Variants in PRKCA observed in about 807,000 individuals in gnomAD.
PRKCA encodes the protein protein kinase C alpha.
In PRKCA, 27 loss-of-function variants were observed where a neutral mutation model predicts 87.0. That is an observed-to-expected ratio of 0.31 (90% confidence interval 0.23 to 0.43). The LOEUF is 0.43. PRKCA is among the 20% of genes least tolerant of loss of function. PRKCA has a pLI of 1.00. For missense variants in PRKCA, 518 were observed against 852.3 expected (o/e 0.61, Z 4.88); for synonymous variants, 329 against 311.1 (o/e 1.06, Z -0.61).
chr17:66,726,828 G>A (rs1181617094), intron 8 of PRKCA, among the ~76,000 whole-genome samples: 2 of 151,772 alleles, frequency 1.3e-5, no homozygotes, highest in East Asian at 1.9e-4. Context: ...GGGTTTAAGC[G>A]ATTCTCCCAC....
At position 66,803,424 on chromosome 17, in the gene PRKCA, G is replaced by T. The variant is rs1273495409; in HGVS notation, c.1855-449G>T. The stretch of plus-strand genomic sequence containing the variant: ...TTTTTACTTCACTACAAATATTGCG[G>T]CAAAAAAACAGATGTGGGGCAGTAA... On this transcript the variant is annotated intron_variant, in intron 16 of 16. Transcript: ENST00000413366. This position sits in a 1 kb window ranked among gnomAD's most constrained non-coding sequence, Gnocchi z 4.4. 1.3e-5 allele frequency among the ~76,000 whole-genome samples: 2 copies of T among 152,162 alleles called. No homozygotes were observed. The highest frequency in any genetic ancestry group is 4.8e-5 in the African/African-American group (2 of 41,440).
chr17:66,689,193 T>A lies in PRKCA; in HGVS notation c.918+146T>A. On this transcript the variant is annotated intron_variant, in intron 8 of 16. Transcript: ENST00000413366. This position sits in a 1 kb window ranked among gnomAD's most constrained non-coding sequence, Gnocchi z 4.1. ...CTTTTTCTTTATTTAAAAACATGAA[T>A]GTTGTTCGTTCCCTTTCCTTTGCAA... 1 of 571,942 alleles carries A rather than the reference T, an allele frequency of 1.7e-6. No individual in the cohort carries two copies. The highest frequency in any genetic ancestry group is 3.1e-6 in the Non-Finnish European group (1 of 325,324). The allele number at this position is 571,942 out of a possible 1,614,324, so 35.4% of individuals were successfully genotyped here. A position where few individuals can be genotyped will look rare whatever the true frequency, so the allele number is the denominator to read the frequency against.
chr17:66,303,077 G>C (rs933713125), intron 1 of PRKCA, 53 bp downstream of exon 1: 2 of 1,575,878 alleles, frequency 1.3e-6, no homozygotes, highest in Non-Finnish European at 1.7e-6. Context: ...TCCGGGTCCC[G>C]GCACCCGGCG....
chr17:66,691,210 G>T (rs1214697761), intron 8 of PRKCA, among the ~76,000 whole-genome samples: 1 of 152,050 alleles, frequency 6.6e-6, no homozygotes, highest in African/African-American at 2.4e-5. Context: ...GACACCAGTA[G>T]GATTCAACCA....
intron 2 of PRKCA, among the ~76,000 whole-genome samples, chr17:66,383,399 A>AT (rs11379801): frequency 0.21 from 31,027 of 147,082 alleles, 3,311 homozygotes; most frequent in Admixed American, 0.31. Context: ...GGAAAAGCCT[A>AT]TTTTTTTTTT....
chr17:66,738,149 A>G (rs1020568640), intron 10 of PRKCA, among the ~76,000 whole-genome samples: 1 of 152,228 alleles, frequency 6.6e-6, no homozygotes, highest in African/African-American at 2.4e-5. Flanking sequence ...TTAGCCTACC[A>G]GTGACAGAGA....
chr17:66,514,083 A>G (rs1172794240), intron 3 of PRKCA, among the ~76,000 whole-genome samples: 2 of 152,182 alleles, frequency 1.3e-5, no homozygotes, highest in African/African-American at 4.8e-5. Context: ...TATTAGTATA[A>G]TTGTTCTATT....
intron 3 of PRKCA, among the ~76,000 whole-genome samples, chr17:66,516,452 G>A (rs1373196706): frequency 6.6e-6 from 1 of 152,110 alleles, no homozygotes; most frequent in Non-Finnish European, 1.5e-5. Context: ...GGCCAGCATG[G>A]TGAGACCCCG....
intron 3 of PRKCA, among the ~76,000 whole-genome samples, chr17:66,603,015 C>T (rs1422184032): frequency 6.6e-6 from 1 of 152,148 alleles, no homozygotes; most frequent in Non-Finnish European, 1.5e-5. Flanking sequence ...TCCTTCTCAC[C>T]CTTCAAAGTG....
chr17:66,778,155 C>T (rs1465286794), intron 14 of PRKCA: 24 of 985,224 alleles, frequency 2.4e-5, no homozygotes, highest in Admixed American at 1.2e-4. Flanking sequence ...ATATTTCCCA[C>T]ACTGCTTCTC....
At chr17:66,425,188 C>G (rs1912730298) in intron 2 of PRKCA, among the ~76,000 whole-genome samples, 1 of 152,226 alleles carries the variant, frequency 6.6e-6, no homozygotes, top group South Asian at 2.1e-4. Context: ...CCAAAGTTTT[C>G]AGAATCACTG....
chr17:66,691,039 A>C (rs1972771574), intron 8 of PRKCA, among the ~76,000 whole-genome samples: 1 of 149,270 alleles, frequency 6.7e-6, no homozygotes, highest in South Asian at 2.1e-4. Context: ...AATCACTTGA[A>C]CCTGGGCACG....
At chr17:66,482,385 G>T (rs1424463960) in intron 2 of PRKCA, among the ~76,000 whole-genome samples, 6 of 152,164 alleles carry the variant, frequency 3.9e-5, no homozygotes, top group Non-Finnish European at 8.8e-5. Flanking sequence ...ACCCCTTCCA[G>T]TGCCCACCTA....
At chr17:66,727,388 C>T (rs1219434823) in intron 8 of PRKCA, among the ~76,000 whole-genome samples, 1 of 152,042 alleles carries the variant, frequency 6.6e-6, no homozygotes, top group East Asian at 1.9e-4. Flanking sequence ...TGTGGTGCCA[C>T]CTGTTTTTAC....
At chr17:66,413,406 T>C (rs1189876645) in intron 2 of PRKCA, among the ~76,000 whole-genome samples, 6 of 152,088 alleles carry the variant, frequency 3.9e-5, no homozygotes, top group Non-Finnish European at 7.4e-5. Flanking sequence ...CAGGAGCTTG[T>C]CTGTTATGTA....
intron 10 of PRKCA, among the ~76,000 whole-genome samples, chr17:66,736,314 C>G (rs1048552514): frequency 6.6e-6 from 1 of 151,242 alleles, no homozygotes; most frequent in Admixed American, 6.6e-5. Flanking sequence ...GTCACTCTCT[C>G]TTCCCCAGGC....
intron 14 of PRKCA, among the ~76,000 whole-genome samples, chr17:66,781,868 G>GAGAGATATATATATATATAT (rs1491546533): frequency 3.0e-5 from 3 of 99,322 alleles, no homozygotes; most frequent in African/African-American, 1.1e-4. Flanking sequence ...GAGAGAGAGA[G>GAGAGATATATATATATATAT]ATATATATAT....
chr17:66,623,490 G>T (rs963028130), intron 3 of PRKCA, among the ~76,000 whole-genome samples: 4 of 152,184 alleles, frequency 2.6e-5, no homozygotes, highest in African/African-American at 9.7e-5. Context: ...CAGGAGATAT[G>T]CAACGTGGTC....
intron 2 of PRKCA, among the ~76,000 whole-genome samples, chr17:66,337,281 G>A (rs756712968): frequency 5.3e-5 from 8 of 152,242 alleles, no homozygotes; most frequent in East Asian, 3.9e-4. Context: ...TTGGTGATCC[G>A]CTAAGGACAG....
Sources: gnomAD v4.1 joint callset for allele counts (sites outside exome capture counted in the v4.1 genomes callset) on GRCh38, gnomAD v4.1.1 for gene constraint, Gnocchi (gnomAD v3.1) non-coding constraint, MANE v1.5 for transcripts, NCBI Gene and HGNC (gene_info 2026-07-23, HGNC 2026-07-21) for gene names.